The following CNTN4 variants were observed in gnomAD, a reference collection of about 807,000 sequenced individuals.
The protein encoded by CNTN4 is contactin-4.
In CNTN4, 77 loss-of-function variants were observed where a neutral mutation model predicts 122.5. The observed-to-expected ratio is 0.63, with a 90% CI of 0.52 to 0.76. The LOEUF is 0.76. Ranked by LOEUF, CNTN4 falls within the 30% of genes least tolerant of loss-of-function variation. The pLI is 0.00. For synonymous variants in CNTN4, 512 were observed against 447.0 expected (o/e 1.15, Z -1.83); for missense variants, 1,256 against 1,259.1 (o/e 1.00, Z 0.04).
chr3:2,527,876 A>G (rs1192458572), intron 3 of CNTN4, among the ~76,000 whole-genome samples: 1 of 152,034 alleles, frequency 6.6e-6, no homozygotes, highest in East Asian at 1.9e-4. Flanking sequence ...TCTGCCCTCA[A>G]TTCTTTCTAA....
chr3:2,617,146 C>T (rs1338942592), intron 4 of CNTN4, among the ~76,000 whole-genome samples: 1 of 152,070 alleles, frequency 6.6e-6, no homozygotes, highest in Non-Finnish European at 1.5e-5. Context: ...CAAATGGGAT[C>T]TAATTAAACT....
intron 3 of CNTN4, among the ~76,000 whole-genome samples, chr3:2,544,786 A>G (rs2149320124): frequency 6.6e-6 from 1 of 150,796 alleles, no homozygotes; most frequent in South Asian, 2.1e-4. Flanking sequence ...TCTAGCCACT[A>G]GTCTATTTAT....
At chr3:2,768,761 T>C (rs976013344) in intron 6 of CNTN4, among the ~76,000 whole-genome samples, 1 of 152,234 alleles carries the variant, frequency 6.6e-6, no homozygotes, top group African/African-American at 2.4e-5. Flanking sequence ...AAGTTGTCTA[T>C]ATCGTTTTCC....
chr3:2,967,193 AG>A (rs990389089), intron 13 of CNTN4, among the ~76,000 whole-genome samples: 3 of 152,132 alleles, frequency 2.0e-5, no homozygotes, highest in Non-Finnish European at 4.4e-5. Flanking sequence ...ATGAACACAT[AG>A]GAAGTCGTAG....
intron 7 of CNTN4, among the ~76,000 whole-genome samples, chr3:2,826,399 C>G (rs970577341): frequency 1.3e-5 from 2 of 152,168 alleles, no homozygotes; most frequent in Non-Finnish European, 2.9e-5. Flanking sequence ...TGTAATTTTA[C>G]GTGGACATAC....
intron 2 of CNTN4, among the ~76,000 whole-genome samples, chr3:2,197,362 T>C (rs1484504530): frequency 2.6e-5 from 4 of 152,230 alleles, no homozygotes; most frequent in Non-Finnish European, 5.9e-5. Flanking sequence ...AATTAATTGA[T>C]ATACATTTAT....
At chr3:2,328,393 G>C (rs1145034) in intron 2 of CNTN4, among the ~76,000 whole-genome samples, 99,653 of 150,180 alleles carry the variant, frequency 0.66, 34,204 homozygotes, top group East Asian at 0.93. Flanking sequence ...GCGACAGAGC[G>C]AGACTCCGTC....
intron 4 of CNTN4, among the ~76,000 whole-genome samples, chr3:2,657,778 A>G (rs542349993): frequency 6.6e-6 from 1 of 152,034 alleles, no homozygotes; most frequent in African/African-American, 2.4e-5. Flanking sequence ...GAGAAAAAAT[A>G]TATATGTTTA....
chr3:2,791,532 CAA>C (rs11425573), intron 6 of CNTN4, among the ~76,000 whole-genome samples: 64 of 143,062 alleles, frequency 4.5e-4, no homozygotes, highest in Middle Eastern at 3.6e-3. Context: ...GATCCTGTCT[CAA>C]AAAAAAAAAA....
chr3:3,034,772 TG>T lies in CNTN4; in HGVS notation c.1926del (p.Trp642CysfsTer23). ...AGCCAGGACTCCATTCTCCGTGGGC[TG>T]GCAAGCAGTCAGTACAGGTACCATA... Reference protein sequence around the residue: ...IQARTPFSVGWQAVSTVPELI... With the variant: ...IQARTPFSVGXQAVSTVPELI... On this transcript the variant is annotated frameshift_variant, in exon 17 of 25. Coordinates refer to ENST00000418658, the MANE Select transcript of CNTN4 (RefSeq NM_175607.3). LOFTEE classifies it high-confidence loss of function. 1 of 1,614,086 alleles carries T rather than the reference TG, an allele frequency of 6.2e-7. No individual in the cohort carries two copies. Among genetic ancestry groups the T allele is most frequent in the Non-Finnish European group, 8.5e-7 (1 of 1,179,988 alleles).
At chr3:2,102,242 G>C (rs2032037728) in intron 2 of CNTN4, among the ~76,000 whole-genome samples, 1 of 152,182 alleles carries the variant, frequency 6.6e-6, no homozygotes, top group Admixed American at 6.5e-5. Flanking sequence ...AGGCTGGAAA[G>C]TTCATAAACC....
chr3:2,526,817 G>A (rs2077413460), intron 3 of CNTN4, among the ~76,000 whole-genome samples: 2 of 151,960 alleles, frequency 1.3e-5, no homozygotes, highest in African/African-American at 2.4e-5. Context: ...ATATTTTACT[G>A]AAAAAAATTG....
intron 2 of CNTN4, among the ~76,000 whole-genome samples, chr3:2,300,312 A>G (rs1249153111): frequency 1.3e-5 from 2 of 152,188 alleles, no homozygotes; most frequent in South Asian, 2.1e-4. Flanking sequence ...ATACATTTGC[A>G]TAATGTCCTG....
chr3:2,783,828 C>T (rs988348421), intron 6 of CNTN4, among the ~76,000 whole-genome samples: 2 of 152,180 alleles, frequency 1.3e-5, no homozygotes, highest in African/African-American at 4.8e-5. Context: ...TCCTAATCCA[C>T]CAGGTTGACA....
At chr3:2,785,285 T>A (rs2091769016) in intron 6 of CNTN4, among the ~76,000 whole-genome samples, 1 of 152,144 alleles carries the variant, frequency 6.6e-6, no homozygotes, top group Non-Finnish European at 1.5e-5. Flanking sequence ...GTCTGAATGC[T>A]TGAGAACCAG....
At chr3:2,131,794 C>G (rs562228825) in intron 2 of CNTN4, among the ~76,000 whole-genome samples, 2 of 152,192 alleles carry the variant, frequency 1.3e-5, no homozygotes, top group Non-Finnish European at 2.9e-5. Context: ...ATCTTGAATA[C>G]TCAGATTCCT....
chr3:2,139,374 A>G (rs2034874886), intron 2 of CNTN4, among the ~76,000 whole-genome samples: 1 of 152,202 alleles, frequency 6.6e-6, no homozygotes, highest in South Asian at 2.1e-4. Flanking sequence ...ACTATTGCTT[A>G]CTAATGGGAT....
intron 2 of CNTN4, among the ~76,000 whole-genome samples, chr3:2,140,488 A>AG (rs559886083): frequency 4.6e-4 from 70 of 152,232 alleles, no homozygotes; most frequent in Non-Finnish European, 9.6e-4. Context: ...ACTTTTGGTG[A>AG]GGGCCCACTT....
intron 2 of CNTN4, among the ~76,000 whole-genome samples, chr3:2,233,714 T>A (rs938335770): frequency 6.6e-6 from 1 of 152,094 alleles, no homozygotes; most frequent in Non-Finnish European, 1.5e-5. Context: ...TCATAGTTAT[T>A]ATCTGTTGCA....
Sources: gnomAD v4.1 joint callset for allele counts (sites outside exome capture counted in the v4.1 genomes callset) on GRCh38, gnomAD v4.1.1 for gene constraint, MANE v1.5 for transcripts, NCBI Gene and HGNC (gene_info 2026-07-23, HGNC 2026-07-21) for gene names.